The following PHF20 variants were observed in gnomAD, a reference collection of about 807,000 sequenced individuals.
PHF20 encodes the protein glioma-expressed antigen 2.
In PHF20, 23 loss-of-function variants were observed where a neutral mutation model predicts 113.5. The observed-to-expected ratio is 0.20, with a 90% CI of 0.15 to 0.29. The LOEUF is 0.29. PHF20 is among the 10% of genes least tolerant of loss of function. PHF20 has a pLI of 1.00. For synonymous variants in PHF20, 434 were observed against 457.3 expected (o/e 0.95, Z 0.65); for missense variants, 943 against 1,219.6 (o/e 0.77, Z 3.38).
intron 2 of PHF20, among the ~76,000 whole-genome samples, chr20:35,839,780 G>C (rs897287412): frequency 1.3e-5 from 2 of 152,192 alleles, no homozygotes; most frequent in African/African-American, 4.8e-5. Flanking sequence ...TACCCTTCCA[G>C]TCCTCTGTGA....
intron 12 of PHF20, among the ~76,000 whole-genome samples, chr20:35,914,974 A>C (rs2055374902): frequency 1.3e-5 from 2 of 149,658 alleles, no homozygotes; most frequent in South Asian, 4.2e-4. Context: ...AAAAAAAAAA[A>C]AAAAACAGTA....
At chr20:35,800,648 G>A (rs897116259) in intron 1 of PHF20, among the ~76,000 whole-genome samples, 1 of 152,124 alleles carries the variant, frequency 6.6e-6, no homozygotes. Flanking sequence ...GCATGCGCCT[G>A]TAGTCCCAGC....
intron 10 of PHF20, among the ~76,000 whole-genome samples, chr20:35,909,440 C>T (rs536804181): frequency 2.9e-4 from 44 of 151,902 alleles, no homozygotes; most frequent in African/African-American, 9.9e-4. Flanking sequence ...GCTAATAATA[C>T]GGTGGTAGTC....
chr20:35,786,290 C>G (rs570236615), intron 1 of PHF20, among the ~76,000 whole-genome samples: 2 of 152,144 alleles, frequency 1.3e-5, no homozygotes, highest in East Asian at 3.9e-4. Context: ...ACTCAGGAGG[C>G]TGAGGCAGGA....
intron 15 of PHF20, among the ~76,000 whole-genome samples, chr20:35,935,678 C>T (rs1001351887): frequency 6.6e-6 from 1 of 152,180 alleles, no homozygotes; most frequent in Non-Finnish European, 1.5e-5. Flanking sequence ...CTTGTCCCTT[C>T]TGAATCCTCA....
At chr20:35,852,134 A>G (rs1433862743) in intron 4 of PHF20, among the ~76,000 whole-genome samples, 1 of 152,136 alleles carries the variant, frequency 6.6e-6, no homozygotes, top group Non-Finnish European at 1.5e-5. Context: ...GAGGTTATAA[A>G]GCGCTTGGAT....
Position 35,947,509 on chromosome 20 carries a change from C to T in PHF20, c.2921C>T (p.Thr974Ile). ...GTGTTGGAGAGCTGGCTGGACTACA[C>T]TGGGGAACTGGAGCCCCCTGAGCCG... is the stretch of plus-strand genomic sequence containing the variant. Reference protein sequence around the residue: ...LDVLESWLDYTGELEPPEPLA... With the variant: ...LDVLESWLDYIGELEPPEPLA... Residue 974 changes from threonine to isoleucine, a missense_variant, in exon 18 of 18, where the codon ACT (threonine) becomes ATT (isoleucine). Physicochemically the swap from Thr to Ile is moderately conservative, Grantham distance 89. This residue lies in a region of PHF20 where 349 missense variants were observed against 412.3 expected (regional missense o/e 0.85). Transcript: ENST00000374012. 1.2e-6 allele frequency: 2 copies of T among 1,614,066 alleles called. No homozygotes were observed. The highest frequency in any genetic ancestry group is 2.2e-5 in the East Asian group (1 of 44,878).
intron 17 of PHF20, among the ~76,000 whole-genome samples, chr20:35,943,034 A>C (rs377195117): frequency 6.6e-6 from 1 of 152,194 alleles, no homozygotes; most frequent in Non-Finnish European, 1.5e-5. Flanking sequence ...TGTGTTAGCC[A>C]GGATGGTCTC....
rs1028720751 is a variant in PHF20 at position 35,878,672 on chromosome 20, G to A, written c.1282+6843G>A. ...GGGTGTGGCAGCCCAAGGCTTTGTT[G>A]TAGGAGCAATGACTGTTGTTATATC... On this transcript the variant is annotated intron_variant, in intron 9 of 17. Coordinates refer to ENST00000374012, the MANE Select transcript of PHF20 (RefSeq NM_016436.5). 16 of 789,416 alleles carry A rather than the reference G, an allele frequency of 2.0e-5. No homozygotes were observed. The African/African-American group carries it at 2.7e-4, about 13-fold the overall frequency. The allele number at this position is 789,416 out of a possible 1,614,324, so 48.9% of individuals were successfully genotyped here.
At chr20:35,818,974 A>T (rs1270856748) in intron 2 of PHF20, among the ~76,000 whole-genome samples, 4 of 150,888 alleles carry the variant, frequency 2.7e-5, no homozygotes, top group African/African-American at 9.8e-5. Context: ...TCTGCTGCCC[A>T]GGCTGGAGAG....
At chr20:35,933,849 T>C (rs1316473720) in intron 15 of PHF20, among the ~76,000 whole-genome samples, 1 of 152,196 alleles carries the variant, frequency 6.6e-6, no homozygotes, top group African/African-American at 2.4e-5. Context: ...TTGGCTGTTA[T>C]AACCTACCCT....
At chr20:35,793,643 T>C (rs1324772908) in intron 1 of PHF20, among the ~76,000 whole-genome samples, 2 of 151,934 alleles carry the variant, frequency 1.3e-5, no homozygotes, top group Non-Finnish European at 2.9e-5. Flanking sequence ...GTCCTTTCCA[T>C]GTCGCTGGTT....
rs192900721 is a variant in PHF20, at chr20:35,832,924, A to G, written c.84-9649A>G. Among the ~76,000 whole-genome samples, 679 of 151,876 alleles carry G rather than the reference A, an allele frequency of 4.5e-3. 7 individuals carry two copies. Among genetic ancestry groups the G allele is most frequent in the Non-Finnish European group, 6.9e-3 (467 of 67,914 alleles). Reference sequence around the variant, plus strand: ...ATGTTAGCTGGGCGTGGTGGTGGGCACCTGTAGTCCCAGCTACTTGGGAGG... The same window carrying G: ...ATGTTAGCTGGGCGTGGTGGTGGGCGCCTGTAGTCCCAGCTACTTGGGAGG... On this transcript the variant is annotated intron_variant, in intron 2 of 17. Transcript: ENST00000374012.
In PHF20 at chr20:35,948,731, C is replaced by T. The variant is rs1015421027; in HGVS notation, c.*1104C>T. On this transcript the variant is annotated 3_prime_UTR_variant, in exon 18 of 18. Transcript: ENST00000374012. ...ATATTTGTGTTACTTTTGCAGGTTACGGTTCCACATGTAATTGCTATATTT... is the reference window on the plus strand; with the variant it reads ...ATATTTGTGTTACTTTTGCAGGTTATGGTTCCACATGTAATTGCTATATTT... 1 of 152,586 alleles carries T rather than the reference C, an allele frequency of 6.6e-6. No homozygotes were observed. Among genetic ancestry groups the T allele is most frequent in the Non-Finnish European group, 1.5e-5 (1 of 68,028 alleles). The allele number at this position is 152,586 out of a possible 1,614,324, so 9.5% of individuals were successfully genotyped here.
chr20:35,826,976 G>A (rs953476146), intron 2 of PHF20, among the ~76,000 whole-genome samples: 7 of 151,862 alleles, frequency 4.6e-5, no homozygotes, highest in African/African-American at 1.7e-4. Flanking sequence ...CAGTTTAATA[G>A]TCAGCCTTTT....
chr20:35,869,040 G>A (rs2146985448), intron 6 of PHF20, among the ~76,000 whole-genome samples: 1 of 152,062 alleles, frequency 6.6e-6, no homozygotes, highest in East Asian at 1.9e-4. Context: ...GCAGTGAGCA[G>A]AGATCGCGGC....
intron 15 of PHF20, among the ~76,000 whole-genome samples, chr20:35,932,690 G>A (rs947543680): frequency 2.0e-5 from 3 of 151,956 alleles, no homozygotes; most frequent in African/African-American, 7.2e-5. Flanking sequence ...CTCGGCCTCC[G>A]AAATTTCTGG....
At chr20:35,927,332 G>T (rs1418793097) in intron 13 of PHF20, among the ~76,000 whole-genome samples, 1 of 152,188 alleles carries the variant, frequency 6.6e-6, no homozygotes, top group Non-Finnish European at 1.5e-5. Flanking sequence ...AAAGCTATGT[G>T]CTGGGCTCTG....
At chr20:35,806,781 GACCTTT>G (rs990873660) in intron 2 of PHF20, among the ~76,000 whole-genome samples, 2 of 145,536 alleles carry the variant, frequency 1.4e-5, no homozygotes, top group African/African-American at 5.0e-5. Context: ...TGTATTCTTA[GACCTTT>G]ACTCTTTTTT....
Sources: gnomAD v4.1 joint callset for allele counts (sites outside exome capture counted in the v4.1 genomes callset) on GRCh38, gnomAD v4.1.1 for gene constraint, gnomAD v4.1.1 regional missense constraint, MANE v1.5 for transcripts, NCBI Gene and HGNC (gene_info 2026-07-23, HGNC 2026-07-21) for gene names.